PAK1: variants seen among roughly 807,000 people sequenced by gnomAD.
The protein encoded by PAK1 is serine/threonine-protein kinase PAK 1.
Under a neutral mutation model 67.4 loss-of-function variants are expected in PAK1, and 29 were observed. That is an observed-to-expected ratio of 0.43 (90% CI 0.32 to 0.59). The LOEUF (loss-of-function observed/expected upper bound fraction) is 0.59. Ranked by LOEUF, PAK1 falls within the 20% of genes least tolerant of loss-of-function variation. The pLI, the probability that PAK1 is intolerant of heterozygous loss-of-function variation, is 0.07. For synonymous variants in PAK1, 223 were observed against 237.4 expected, an observed-to-expected ratio of 0.94 and a Z score of 0.56; for missense variants, 337 against 670.7, an observed-to-expected ratio of 0.50 and a Z score of 5.50.
the PAK1 span, among the ~76,000 whole-genome samples, chr11:77,523,490 G>T: frequency 6.6e-6 from 1 of 150,378 alleles, no homozygotes; most frequent in East Asian, 2.0e-4. Context: ...CGCGATCTCA[G>T]CTCACCACAA....
chr11:77,435,977 C>T (rs940886108), intron 1 of PAK1, among the ~76,000 whole-genome samples: 1 of 152,046 alleles, frequency 6.6e-6, no homozygotes, highest in African/African-American at 2.4e-5. Flanking sequence ...AGTAAGAAGG[C>T]GCTAGAGTAT....
rs759648356 is a variant in PAK1 at position 77,343,958 on chromosome 11, C to T, written c.886-27G>A. On this transcript the variant is annotated intron_variant, in intron 9 of 14. Coordinates refer to ENST00000356341, the MANE Select transcript of PAK1 (RefSeq NM_002576.5). ...TGAAATCAAGAGTATATTCAATGTGCAACCATAGTCATTCCCATTTATTGA... is the reference window on the plus strand; with the variant it reads ...TGAAATCAAGAGTATATTCAATGTGTAACCATAGTCATTCCCATTTATTGA... 24 of 1,436,330 alleles carry T rather than the reference C, an allele frequency of 1.7e-5. No individual in the cohort carries two copies. The South Asian group carries it at 2.7e-4, about 16-fold the overall frequency. The allele number at this position is 1,436,330 out of a possible 1,614,324, so 89.0% of individuals were successfully genotyped here. A position where few individuals can be genotyped will look rare whatever the true frequency, so the allele number is the denominator to read the frequency against.
intron 1 of PAK1, among the ~76,000 whole-genome samples, chr11:77,471,608 GT>G (rs1181379021): frequency 9.2e-5 from 14 of 152,230 alleles, no homozygotes; most frequent in Admixed American, 9.2e-4. Context: ...GAAGATGAGA[GT>G]GGCAGGGGAG....
chr11:77,512,504 G>A, the PAK1 span, among the ~76,000 whole-genome samples: 1 of 152,064 alleles, frequency 6.6e-6, no homozygotes, highest in Admixed American at 6.6e-5. Context: ...CTAGTATTGG[G>A]GATTGTAATG....
the PAK1 span, among the ~76,000 whole-genome samples, chr11:77,493,275 G>GTTTT: frequency 1.4e-3 from 176 of 128,024 alleles, 1 homozygote; most frequent in African/African-American, 4.2e-3. Flanking sequence ...TTTTTTTGTT[G>GTTTT]TTTTTTTTTT....
At chr11:77,330,764 C>G (rs545938759) in intron 14 of PAK1, among the ~76,000 whole-genome samples, 1 of 152,230 alleles carries the variant, frequency 6.6e-6, no homozygotes, top group African/African-American at 2.4e-5. Flanking sequence ...GCAATGGCAA[C>G]AAAAGCCAAA....
chr11:77,472,157 T>C (rs1304943738), intron 1 of PAK1, among the ~76,000 whole-genome samples: 5 of 152,222 alleles, frequency 3.3e-5, no homozygotes, highest in African/African-American at 1.2e-4. Flanking sequence ...CCAGTAATGT[T>C]GGATAAACGA....
At chr11:77,457,989 C>T (rs1054659566) in intron 1 of PAK1, among the ~76,000 whole-genome samples, 1 of 152,158 alleles carries the variant, frequency 6.6e-6, no homozygotes, top group African/African-American at 2.4e-5. Context: ...ATGTACCAGA[C>T]TCTGAGGTAG....
At chr11:77,334,767 T>C (rs1205227803) in intron 13 of PAK1, among the ~76,000 whole-genome samples, 1 of 152,098 alleles carries the variant, frequency 6.6e-6, no homozygotes, top group Non-Finnish European at 1.5e-5. Context: ...AACCCTCCCT[T>C]GACTCCATTT....
intron 1 of PAK1, among the ~76,000 whole-genome samples, chr11:77,455,607 A>G (rs10899378): frequency 0.29 from 43,752 of 152,180 alleles, 6,595 homozygotes; most frequent in South Asian, 0.46. Context: ...TCTCCCAAAG[A>G]TTCCTAAATC....
Position 77,399,668 on chromosome 11 carries a change from G to A in PAK1, c.-21-7127C>T, listed in dbSNP as rs560529418. On this transcript the variant is annotated intron_variant, in intron 1 of 14. Coordinates refer to ENST00000356341, the MANE Select transcript of PAK1 (RefSeq NM_002576.5). ...AGGTCAGGAGATCGAGACCATCCCGGCTAAAACGGTGAAACCCCGTCTCTA... is the reference window on the plus strand; with the variant it reads ...AGGTCAGGAGATCGAGACCATCCCGACTAAAACGGTGAAACCCCGTCTCTA... Among the ~76,000 whole-genome samples, 45 of 151,514 alleles carry A rather than the reference G, an allele frequency of 3.0e-4. 1 individual carries two copies. The highest frequency in any genetic ancestry group is 2.2e-3 in the Admixed American group (34 of 15,212).
At chr11:77,398,481 T>G (rs1185319221) in intron 1 of PAK1, among the ~76,000 whole-genome samples, 1 of 152,158 alleles carries the variant, frequency 6.6e-6, no homozygotes, top group Non-Finnish European at 1.5e-5. Flanking sequence ...CCATTGTACA[T>G]GTTCCATCCA....
chr11:77,328,851 T>G (rs1214889941), intron 14 of PAK1, among the ~76,000 whole-genome samples: 1 of 152,140 alleles, frequency 6.6e-6, no homozygotes, highest in Non-Finnish European at 1.5e-5. Flanking sequence ...AGGAGCTGGT[T>G]TTTTGAAAGG....
At position 77,451,623 on chromosome 11, in the gene PAK1, G is replaced by A. The variant is rs1328523902; in HGVS notation, c.-22+21929C>T. 7.9e-5 allele frequency among the ~76,000 whole-genome samples: 11 copies of A among 138,672 alleles called. 1 individual carries two copies. The highest frequency in any genetic ancestry group is 2.9e-4 in the African/African-American group (10 of 34,166). 91.0% of individuals were successfully genotyped at this position (138,672 alleles called of 152,430 possible). A position where few individuals can be genotyped will look rare whatever the true frequency, so the allele number is the denominator to read the frequency against. ...TTTTTTTTTGTTTTTTTTTTGAGAC[G>A]GCGTCTTGCTCTGTCGCCCAGGCTG... On this transcript the variant is annotated intron_variant, in intron 1 of 14. Coordinates refer to ENST00000356341, the MANE Select transcript of PAK1 (RefSeq NM_002576.5).
chr11:77,450,252 C>G (rs375643588), intron 1 of PAK1, among the ~76,000 whole-genome samples: 3 of 152,270 alleles, frequency 2.0e-5, no homozygotes, highest in Admixed American at 6.5e-5. Flanking sequence ...ATTATGTTTT[C>G]TCATAACCCT....
chr11:77,417,738 CTTT>C (rs67257981), intron 1 of PAK1, among the ~76,000 whole-genome samples: 3 of 144,528 alleles, frequency 2.1e-5, no homozygotes, highest in African/African-American at 2.5e-5. Context: ...TTTTTCTTTT[CTTT>C]TTTTTTTTTT....
At chr11:77,400,520 G>A (rs1026387076) in intron 1 of PAK1, among the ~76,000 whole-genome samples, 3 of 152,176 alleles carry the variant, frequency 2.0e-5, no homozygotes, top group Non-Finnish European at 4.4e-5. Context: ...AGGACTCAGT[G>A]ATGCCTTGAG....
chr11:77,360,030 A>G (rs1946571342), intron 5 of PAK1, among the ~76,000 whole-genome samples: 1 of 152,158 alleles, frequency 6.6e-6, no homozygotes. Context: ...CCATGTCCTA[A>G]AGTAGTGACC....
intron 1 of PAK1, among the ~76,000 whole-genome samples, chr11:77,404,268 TTTC>T (rs1953132554): frequency 6.6e-6 from 1 of 151,046 alleles, no homozygotes; most frequent in Admixed American, 6.6e-5. Flanking sequence ...TTACTTTTTC[TTTC>T]TTTTTTTTTT....
Sources: gnomAD v4.1 joint callset for allele counts (sites outside exome capture counted in the v4.1 genomes callset) on GRCh38, gnomAD v4.1.1 for gene constraint, MANE v1.5 for transcripts, NCBI Gene and HGNC (gene_info 2026-07-23, HGNC 2026-07-21) for gene names.